Variants in APOL4 observed in about 807,000 individuals in gnomAD.
APOL4 encodes the protein apolipoprotein L4.
A neutral mutation model predicts 12.1 loss-of-function variants in APOL4; 14 were observed. The ratio of observed to expected loss-of-function variants is 1.16; its 90% CI spans 0.76 to 1.81. The LOEUF (loss-of-function observed/expected upper bound fraction) is 1.81. APOL4 is among the 40% of genes most tolerant of loss of function. The probability of loss-of-function intolerance (pLI) is 0.00; values close to 1 mark genes in which losing one functional copy is unlikely to be tolerated. For synonymous variants in APOL4, 171 were observed against 160.6 expected (o/e 1.06, Z -0.49); for missense variants, 432 against 423.1 (o/e 1.02, Z -0.18).
intron 2 of APOL4, chr22:36,197,439 T>G: frequency 1.6e-6 from 1 of 634,912 alleles, no homozygotes; most frequent in Non-Finnish European, 2.4e-6. Flanking sequence ...AAACTCAGGG[T>G]TGGATGGAGG....
At chr22:36,204,795 A>G (rs6000190), upstream of APOL4, 73,120 of 228,090 alleles carry the variant, frequency 0.32, 12,821 homozygotes, top group African/African-American at 0.42. Context: ...CCAGCAGCTC[A>G]CAATCAAGCA....
chr22:36,196,004 G>C (rs2014404848), intron 2 of APOL4, among the ~76,000 whole-genome samples: 1 of 152,218 alleles, frequency 6.6e-6, no homozygotes, highest in Non-Finnish European at 1.5e-5. Flanking sequence ...CCTGAGAAGA[G>C]TGATTCACCA....
rs1358927403 is a variant in APOL4 at position 36,195,134 on chromosome 22, ACT to A, written c.209+175_209+176del. On this transcript the variant is annotated intron_variant, in intron 3 of 3. Coordinates refer to ENST00000683024, the MANE Select transcript of APOL4 (RefSeq NM_001386885.1). ...CTTCTTCTCCCCTCAGCCTGAGGTC[ACT>A]CACTGCCAGCGAAGCACTTGGAGGA... 8.0e-6 allele frequency: 6 copies of A among 748,180 alleles called. No homozygotes were observed. In the Admixed American group the frequency reaches 2.0e-4, roughly 25 times the overall value. The allele number at this position is 748,180 out of a possible 1,614,324, so 46.3% of individuals were successfully genotyped here. A position where few individuals can be genotyped will look rare whatever the true frequency, so the allele number is the denominator to read the frequency against.
chr22:36,203,133 A>T (rs562418522), upstream of APOL4, among the ~76,000 whole-genome samples: 124 of 152,314 alleles, frequency 8.1e-4, no homozygotes, highest in African/African-American at 2.9e-3. Flanking sequence ...CCCCTGTCTC[A>T]GCCATGTTTC....
chr22:36,197,708 G>C, intron 2 of APOL4: 2 of 1,550,564 alleles, frequency 1.3e-6, no homozygotes, highest in Non-Finnish European at 1.7e-6. Context: ...GCCATGCTGA[G>C]ATGTGGATAC....
At chr22:36,202,047 G>T (rs779569519), upstream of APOL4, 2 of 1,614,024 alleles carry the variant, frequency 1.2e-6, no homozygotes, top group Non-Finnish European at 1.7e-6. Flanking sequence ...GTCGCTGCGG[G>T]GCCTCCTCCT....
chr22:36,199,175 T>C (rs895873262), intron 2 of APOL4, among the ~76,000 whole-genome samples, 155 bp downstream of exon 2: 1 of 152,204 alleles, frequency 6.6e-6, no homozygotes. Context: ...GTGGCCTCTC[T>C]TGGGGCTTGG....
At chr22:36,200,185 T>C (rs1246680281) in intron 1 of APOL4, among the ~76,000 whole-genome samples, 1 of 152,224 alleles carries the variant, frequency 6.6e-6, no homozygotes, top group Non-Finnish European at 1.5e-5. Context: ...CTTTCCCATT[T>C]GAACACAGAG....
upstream of APOL4, among the ~76,000 whole-genome samples, chr22:36,202,323 C>T (rs2014607861): frequency 6.6e-6 from 1 of 152,190 alleles, no homozygotes; most frequent in Admixed American, 6.5e-5. Flanking sequence ...GTTTCTCAGG[C>T]TGTCTTGAAC....
upstream of APOL4, chr22:36,204,571 C>T (rs1409366478): frequency 4.8e-5 from 15 of 314,728 alleles, no homozygotes; most frequent in South Asian, 5.1e-4. Flanking sequence ...ATCCTTCCCT[C>T]ATAGAGCTAT....
intron 2 of APOL4, among the ~76,000 whole-genome samples, chr22:36,196,521 ATAT>A (rs1405741525): frequency 6.6e-6 from 1 of 152,214 alleles, no homozygotes; most frequent in Non-Finnish European, 1.5e-5. Flanking sequence ...GGCATACATA[ATAT>A]TATCACTACA....
At chr22:36,194,253 C>T (rs2014340023) in intron 3 of APOL4, among the ~76,000 whole-genome samples, 1 of 152,116 alleles carries the variant, frequency 6.6e-6, no homozygotes, top group Non-Finnish European at 1.5e-5. Flanking sequence ...TCCCCATTTC[C>T]CAGGCATGGT....
At chr22:36,195,024 T>C in intron 3 of APOL4, 1 of 298,442 alleles carries the variant, frequency 3.4e-6, no homozygotes, top group Non-Finnish European at 6.3e-6. Context: ...GCTCAATGGA[T>C]GAAGAAAGGA....
upstream of APOL4, among the ~76,000 whole-genome samples, chr22:36,204,413 C>T (rs2014669364): frequency 6.6e-6 from 1 of 152,176 alleles, no homozygotes; most frequent in African/African-American, 2.4e-5. Context: ...AGCTATTTCC[C>T]CACCTCTCTC....
At chr22:36,194,457 A>G (rs1217198002) in intron 3 of APOL4, among the ~76,000 whole-genome samples, 1 of 151,724 alleles carries the variant, frequency 6.6e-6, no homozygotes, top group African/African-American at 2.4e-5. Context: ...TGCTCCTCCA[A>G]TCTAGGTCCA....
At chr22:36,194,707 C>A (rs182799077) in intron 3 of APOL4, among the ~76,000 whole-genome samples, 1 of 152,180 alleles carries the variant, frequency 6.6e-6, no homozygotes, top group Non-Finnish European at 1.5e-5. Flanking sequence ...CCAGCTCTGT[C>A]CAACTCCATT....
intron 1 of APOL4, among the ~76,000 whole-genome samples, chr22:36,200,058 C>T (rs939891605): frequency 1.3e-5 from 2 of 151,538 alleles, no homozygotes; most frequent in Admixed American, 1.3e-4. Flanking sequence ...CAGCCCGTCT[C>T]GGCCTCCCAA....
rs201355750 is a variant in APOL4, at chr22:36,199,375, C to T, written c.37G>A (p.Val13Met). 5.5e-5 allele frequency: 89 copies of T among 1,613,920 alleles called. No individual in the cohort carries two copies. Among genetic ancestry groups the T allele is most frequent in the Middle Eastern group, 4.9e-4 (3 of 6,084 alleles). ...SWVQLITSVG[V>M]QQNHPGWTVA... ...GTCCAGCCTGGATGGTTTTGCTGCA[C>T]CCTTGAGGAAGAGAAAACAAATTGT... is the stretch of plus-strand genomic sequence containing the variant. The change falls in exon 2 of 4, where the codon GTG becomes ATG. Residue 13 changes from valine (V) to methionine (M), a missense_variant and splice_region_variant. Transcript: ENST00000683024.
At chr22:36,201,628 A>G in intron 1 of APOL4, 72 bp downstream of exon 1, 3 of 887,056 alleles carry the variant, frequency 3.4e-6, no homozygotes, top group Non-Finnish European at 4.5e-6. Context: ...CAACACCATG[A>G]GCCAGTAGAA....
Sources: allele counts gnomAD v4.1 joint callset (sites outside exome capture counted in the v4.1 genomes callset), GRCh38; gene constraint gnomAD v4.1.1; transcripts MANE v1.5; gene names NCBI Gene and HGNC (gene_info 2026-07-23, HGNC 2026-07-21).